Variants in CDH13 observed in about 807,000 individuals in gnomAD.
CDH13 encodes cadherin-13.
In CDH13, 24 loss-of-function variants were observed where a neutral mutation model predicts 63.8. The observed-to-expected ratio is 0.38, with a 90% CI of 0.27 to 0.53. The LOEUF (loss-of-function observed/expected upper bound fraction) is 0.53, where lower values mean the gene tolerates loss of function less well. Among genes scored for constraint, CDH13 ranks in the 20% least tolerant of loss-of-function variants. CDH13 has a pLI of 0.85. For missense variants in CDH13, 1,049 were observed against 903.1 expected (o/e 1.16, Z -2.07); for synonymous variants, 503 against 355.3 (o/e 1.42, Z -4.67).
intron 2 of CDH13, among the ~76,000 whole-genome samples, chr16:82,970,922 A>G (rs1038548521): frequency 1.3e-5 from 2 of 152,232 alleles, no homozygotes; most frequent in African/African-American, 4.8e-5. Context: ...CTCAGAGTGC[A>G]GGCACATTTA....
At chr16:82,988,631 G>A (rs1393368617) in intron 2 of CDH13, among the ~76,000 whole-genome samples, 1 of 151,914 alleles carries the variant, frequency 6.6e-6, no homozygotes. Context: ...CATGTTGGTG[G>A]GTGCCTGTAA....
At chr16:82,742,394 A>G (rs1038878174) in intron 1 of CDH13, among the ~76,000 whole-genome samples, 1 of 152,166 alleles carries the variant, frequency 6.6e-6, no homozygotes, top group African/African-American at 2.4e-5. Flanking sequence ...AAAAGATCTA[A>G]AAATATTTTA....
chr16:82,848,687 CCTT>C (rs1567597429), intron 1 of CDH13, among the ~76,000 whole-genome samples: 1 of 151,984 alleles, frequency 6.6e-6, no homozygotes, highest in East Asian at 1.9e-4. Context: ...TCATCTGTCT[CCTT>C]CTCCTCCAAA....
At chr16:83,266,243 A>G (rs1907608758) in intron 5 of CDH13, among the ~76,000 whole-genome samples, 1 of 152,076 alleles carries the variant, frequency 6.6e-6, no homozygotes, top group South Asian at 2.1e-4. Flanking sequence ...ACACATACTC[A>G]TATTTGCCTT....
chr16:83,722,457 G>A (rs369114817), intron 10 of CDH13, among the ~76,000 whole-genome samples: 111 of 152,256 alleles, frequency 7.3e-4, no homozygotes, highest in African/African-American at 2.4e-3. Context: ...CAGTGACATC[G>A]TGGGAGTAAC....
At chr16:83,310,954 C>T (rs1462557598) in intron 5 of CDH13, among the ~76,000 whole-genome samples, 2 of 152,168 alleles carry the variant, frequency 1.3e-5, no homozygotes, top group Non-Finnish European at 2.9e-5. Flanking sequence ...CAGGAAGTTC[C>T]AGAAAGACCA....
At chr16:83,589,285 C>CCG (rs1281188155) in intron 7 of CDH13, among the ~76,000 whole-genome samples, 1 of 128,260 alleles carries the variant, frequency 7.8e-6, no homozygotes, top group Non-Finnish European at 1.7e-5. Flanking sequence ...CTTTCCCCCC[C>CCG]CCGGACCCCT....
intron 9 of CDH13, among the ~76,000 whole-genome samples, chr16:83,677,417 G>C (rs1285085533): frequency 2.0e-5 from 3 of 152,166 alleles, no homozygotes; most frequent in Non-Finnish European, 2.9e-5. Flanking sequence ...CCTGGGCATG[G>C]CCTTGAGTCT....
chr16:83,520,248 C>G (rs2074798429), intron 7 of CDH13, among the ~76,000 whole-genome samples: 1 of 152,064 alleles, frequency 6.6e-6, no homozygotes, highest in African/African-American at 2.4e-5. Context: ...CTAAGTGGAG[C>G]AAAAGAAGCC....
chr16:83,323,132 A>C (rs569898810), intron 5 of CDH13, among the ~76,000 whole-genome samples: 3 of 150,712 alleles, frequency 2.0e-5, no homozygotes, highest in Non-Finnish European at 4.4e-5. Context: ...ATTTAGGATT[A>C]GAATGAAGAC....
chr16:82,649,681 G>A (rs2150904932), intron 1 of CDH13, among the ~76,000 whole-genome samples: 1 of 152,204 alleles, frequency 6.6e-6, no homozygotes, highest in East Asian at 1.9e-4. Context: ...GAGAGGGGAT[G>A]TAAGAGAGAA....
At chr16:83,465,711 G>T (rs2073297203) in intron 6 of CDH13, among the ~76,000 whole-genome samples, 1 of 152,208 alleles carries the variant, frequency 6.6e-6, no homozygotes, top group African/African-American at 2.4e-5. Context: ...GCATGTCCTT[G>T]TGAGGCTTTC....
intron 1 of CDH13, among the ~76,000 whole-genome samples, chr16:82,854,889 T>C (rs1020048551): frequency 1.2e-4 from 18 of 152,220 alleles, no homozygotes; most frequent in African/African-American, 4.1e-4. Flanking sequence ...TGACTCCTTA[T>C]CCTGTGTGGC....
In CDH13 at chr16:83,044,605, G is replaced by A. The variant is rs567410082; in HGVS notation, c.366+12387G>A. Among the ~76,000 whole-genome samples the A allele has an allele frequency of 8.1e-4, 123 of 152,278 alleles. 1 individual carries two copies. Among genetic ancestry groups the A allele is most frequent in the Non-Finnish European group, 1.1e-3 (72 of 68,020 alleles). ...CCATAGGCTAGAGAAAACGTCTTGC[G>A]TTTATATTTTTAAAACTATAATTTA... On this transcript the variant is annotated intron_variant, in intron 3 of 13. Transcript: ENST00000567109.
intron 10 of CDH13, among the ~76,000 whole-genome samples, chr16:83,728,529 G>C (rs528654679): frequency 6.6e-6 from 1 of 152,220 alleles, no homozygotes; most frequent in South Asian, 2.1e-4. Context: ...AATTCAAAAT[G>C]CTCATCTTTG....
chr16:83,198,582 A>G (rs1188771801), intron 4 of CDH13, among the ~76,000 whole-genome samples: 1 of 152,188 alleles, frequency 6.6e-6, no homozygotes, highest in East Asian at 1.9e-4. Context: ...GACTTAGACA[A>G]AATAATGAGA....
chr16:83,056,327 G>T (rs2030926030), intron 3 of CDH13, among the ~76,000 whole-genome samples: 1 of 152,064 alleles, frequency 6.6e-6, no homozygotes, highest in South Asian at 2.1e-4. Context: ...GTATACACAT[G>T]TACACTAAAG....
Position 82,858,760 on chromosome 16 carries a change from C to T in CDH13, c.157+287C>T, listed in dbSNP as rs138425379. The T allele has an allele frequency of 2.4e-3, 1,155 of 489,576 alleles. 16 individuals carry two copies. In the East Asian group the frequency reaches 0.032, roughly 14 times the overall value. The allele number at this position is 489,576 out of a possible 1,614,324, so 30.3% of individuals were successfully genotyped here. On this transcript the variant is annotated intron_variant, in intron 2 of 13. Transcript: ENST00000567109. ...CCTCCAATGAGAGTTGTACACTGTG[C>T]AAAGGAAATGAAATTCATTTCCCCT...
chr16:83,040,350 G>A (rs902129230), intron 3 of CDH13, among the ~76,000 whole-genome samples: 29 of 152,138 alleles, frequency 1.9e-4, no homozygotes, highest in South Asian at 1.2e-3. Context: ...AAGTCCCATC[G>A]TAGGCCATCT....
Sources: allele counts gnomAD v4.1 joint callset (sites outside exome capture counted in the v4.1 genomes callset), GRCh38; gene constraint gnomAD v4.1.1; transcripts MANE v1.5; gene names NCBI Gene and HGNC (gene_info 2026-07-23, HGNC 2026-07-21).